Variants in CSMD2 observed in about 807,000 individuals in gnomAD.
CSMD2 encodes CUB and Sushi multiple domains 2.
In CSMD2, 130 loss-of-function variants were observed where a neutral mutation model predicts 398.5. The observed-to-expected ratio is 0.33, with a 90% CI of 0.28 to 0.38. The LOEUF is 0.38. CSMD2 is among the 10% of genes least tolerant of loss of function. The pLI, the probability that CSMD2 is intolerant of heterozygous loss-of-function variation, is 1.00. For missense variants in CSMD2, 3,829 were observed against 4,764.9 expected, an observed-to-expected ratio of 0.80 and a Z score of 5.78; for synonymous variants, 1,828 against 1,908.5, an observed-to-expected ratio of 0.96 and a Z score of 1.10.
intron 10 of CSMD2, among the ~76,000 whole-genome samples, chr1:33,802,506 T>C (rs937658215): frequency 6.6e-6 from 1 of 152,180 alleles, no homozygotes; most frequent in Admixed American, 6.5e-5. Flanking sequence ...TCATTGCCCT[T>C]GGAGGGCCCC....
intron 58 of CSMD2, among the ~76,000 whole-genome samples, chr1:33,541,557 C>T (rs1028246400): frequency 2.6e-5 from 4 of 152,184 alleles, no homozygotes; most frequent in African/African-American, 9.7e-5. Context: ...GCCTCGAACT[C>T]CTGGGCTCAT....
At chr1:33,813,492 T>C (rs1329036752) in intron 9 of CSMD2, among the ~76,000 whole-genome samples, 2 of 152,074 alleles carry the variant, frequency 1.3e-5, no homozygotes, top group Non-Finnish European at 2.9e-5. Context: ...AATGAACATA[T>C]CATTTTGTTT....
chr1:34,027,204 T>C (rs1175914894), intron 3 of CSMD2, among the ~76,000 whole-genome samples: 4 of 152,148 alleles, frequency 2.6e-5, no homozygotes, highest in Non-Finnish European at 4.4e-5. Flanking sequence ...AACACCCCCA[T>C]GGAAGAGTAG....
At chr1:33,575,223 G>A (rs1284200097) in intron 49 of CSMD2, among the ~76,000 whole-genome samples, 2 of 151,898 alleles carry the variant, frequency 1.3e-5, no homozygotes, top group Non-Finnish European at 2.9e-5. Flanking sequence ...GAGTGGGCTG[G>A]GGAAGGAGAG....
At chr1:34,100,938 CCT>C (rs1659879488) in intron 1 of CSMD2, among the ~76,000 whole-genome samples, 1 of 152,134 alleles carries the variant, frequency 6.6e-6, no homozygotes, top group Non-Finnish European at 1.5e-5. Context: ...GGCTGGCTGA[CCT>C]CTCTCAGGGA....
In CSMD2 at chr1:33,537,471, T is replaced by C; in HGVS notation, c.9770A>G (p.Asp3257Gly). The C allele has an allele frequency of 1.9e-6, 3 of 1,614,028 alleles. No individual in the cohort carries two copies. Among genetic ancestry groups the C allele is most frequent in the South Asian group, 2.2e-5 (2 of 91,064 alleles). Reference protein sequence around the residue: ...VGSPRRFCQSDGTWSGTQPSC... With the variant: ...VGSPRRFCQSGGTWSGTQPSC... The stretch of plus-strand genomic sequence containing the variant: ...GGGCTGGGTGCCACTCCATGTCCCA[T>C]CTGACTGGCAAAACCTGCGTGGAGA... Residue 3257 changes from aspartate (D) to glycine (G), a missense_variant, in exon 61 of 71, where the codon GAT becomes GGT. This residue lies in a region of CSMD2 where 917 missense variants were observed against 1,199.5 expected (regional missense o/e 0.76). Transcript: ENST00000373381. The surrounding 1 kb of genome is among the most constrained non-coding windows in gnomAD (Gnocchi z 4.6).
chr1:34,148,303 A>G (rs1557429108), intron 1 of CSMD2, among the ~76,000 whole-genome samples: 1 of 152,232 alleles, frequency 6.6e-6, no homozygotes, highest in Non-Finnish European at 1.5e-5. Flanking sequence ...GACACAGAGC[A>G]ACTATCTCAT....
At chr1:33,576,434 T>A (rs1660080627) in intron 49 of CSMD2, among the ~76,000 whole-genome samples, 1 of 152,034 alleles carries the variant, frequency 6.6e-6, no homozygotes, top group Non-Finnish European at 1.5e-5. Flanking sequence ...CTACTAAAAG[T>A]ACAAAAATTA....
intron 3 of CSMD2, among the ~76,000 whole-genome samples, chr1:33,984,103 G>T (rs556237837): frequency 6.6e-6 from 1 of 151,992 alleles, no homozygotes; most frequent in Non-Finnish European, 1.5e-5. Flanking sequence ...GCAGGGAGCC[G>T]AGATCGCGCC....
intron 41 of CSMD2, among the ~76,000 whole-genome samples, chr1:33,608,842 G>C (rs1431394573): frequency 2.0e-5 from 3 of 152,166 alleles, no homozygotes; most frequent in Non-Finnish European, 4.4e-5. Context: ...CCATTGGACA[G>C]TAAGTTTCCG....
intron 35 of CSMD2, among the ~76,000 whole-genome samples, chr1:33,623,791 T>C (rs1179137564): frequency 6.6e-6 from 1 of 152,184 alleles, no homozygotes; most frequent in Non-Finnish European, 1.5e-5. Context: ...TCCTTGGGTT[T>C]CCCCACTTTC....
intron 13 of CSMD2, among the ~76,000 whole-genome samples, chr1:33,744,674 T>C (rs1158680271): frequency 6.6e-6 from 1 of 152,104 alleles, no homozygotes. Context: ...AAAATATCAA[T>C]ATTGAATTAG....
At chr1:33,700,262 C>A (rs1645566834) in intron 23 of CSMD2, among the ~76,000 whole-genome samples, 1 of 152,204 alleles carries the variant, frequency 6.6e-6, no homozygotes, top group Admixed American at 6.5e-5. Flanking sequence ...CCGCCTTGGC[C>A]TCCCAAAGTG....
At chr1:33,938,909 A>T (rs1168621966) in intron 3 of CSMD2, among the ~76,000 whole-genome samples, 1 of 151,874 alleles carries the variant, frequency 6.6e-6, no homozygotes. Context: ...GGCATTTCCC[A>T]TGATCCCTTG....
At chr1:33,671,816 C>G (rs1644509830) in intron 25 of CSMD2, among the ~76,000 whole-genome samples, 1 of 152,224 alleles carries the variant, frequency 6.6e-6, no homozygotes, top group African/African-American at 2.4e-5. Context: ...CTCTCAAGTG[C>G]TGCCCACAGG....
Position 33,610,933 on chromosome 1 carries a change from C to A in CSMD2, c.6343+108G>T, listed in dbSNP as rs1463909207. The A allele has an allele frequency of 4.9e-5, 53 of 1,083,022 alleles. 1 individual carries two copies. The Admixed American group carries it at 1.1e-3, about 23-fold the overall frequency. The allele number at this position is 1,083,022 out of a possible 1,614,324, so 67.1% of individuals were successfully genotyped here. On this transcript the variant is annotated intron_variant, in intron 41 of 70. Coordinates refer to ENST00000373381, the MANE Select transcript of CSMD2 (RefSeq NM_001281956.2). ...TGACTGGGCCTGCCACCGCAACCCACCCCTTATGGTGTTCTGTTTTCCCCC... is the reference window on the plus strand; with the variant it reads ...TGACTGGGCCTGCCACCGCAACCCAACCCTTATGGTGTTCTGTTTTCCCCC...
chr1:33,604,477 C>A (rs1640448975), intron 42 of CSMD2, among the ~76,000 whole-genome samples: 1 of 152,084 alleles, frequency 6.6e-6, no homozygotes. Flanking sequence ...GATGAGAAGT[C>A]CCACTTTACT....
intron 5 of CSMD2, among the ~76,000 whole-genome samples, chr1:33,909,544 T>C (rs77923089): frequency 0.01 from 1,579 of 152,156 alleles, 17 homozygotes; most frequent in Non-Finnish European, 0.015. Flanking sequence ...ACCATTGCAT[T>C]CCCAGTGCCA....
At chr1:33,967,704 A>G (rs1300159963) in intron 3 of CSMD2, among the ~76,000 whole-genome samples, 1 of 152,184 alleles carries the variant, frequency 6.6e-6, no homozygotes, top group Admixed American at 6.5e-5. Flanking sequence ...AGTAGGGCCA[A>G]TAGGTTTGGG....
Sources: allele counts gnomAD v4.1 joint callset (sites outside exome capture counted in the v4.1 genomes callset), GRCh38; gene constraint gnomAD v4.1.1; regional missense constraint gnomAD v4.1.1; non-coding constraint Gnocchi (gnomAD v3.1); transcripts MANE v1.5; gene names NCBI Gene and HGNC (gene_info 2026-07-23, HGNC 2026-07-21).